EIF4G3: variants seen among roughly 807,000 people sequenced by gnomAD.
EIF4G3 encodes the protein eukaryotic translation initiation factor 4 gamma 3, also known as eIF-4-gamma 3.
In EIF4G3, 34 loss-of-function variants were observed where a neutral mutation model predicts 186.4. The observed-to-expected ratio is 0.18, with a 90% CI of 0.14 to 0.24. The LOEUF (loss-of-function observed/expected upper bound fraction) is 0.24. EIF4G3 is among the 10% of genes least tolerant of loss of function. The pLI is 1.00. For synonymous variants in EIF4G3, 673 were observed against 679.5 expected (o/e 0.99, Z 0.15); for missense variants, 1,536 against 1,948.5 (o/e 0.79, Z 3.99).
At chr1:20,962,941 A>C (rs1323306991) in intron 12 of EIF4G3, among the ~76,000 whole-genome samples, 5 of 147,258 alleles carry the variant, frequency 3.4e-5, no homozygotes, top group Admixed American at 3.4e-4. Flanking sequence ...TTTGAGAGAC[A>C]AGGTCTTGCT....
intron 2 of EIF4G3, among the ~76,000 whole-genome samples, chr1:21,101,103 G>A (rs941561068): frequency 6.6e-5 from 10 of 152,032 alleles, no homozygotes; most frequent in African/African-American, 1.9e-4. Flanking sequence ...ATAAGTCGAC[G>A]TATTTTCAGA....
intron 12 of EIF4G3, 44 bp downstream of exon 12, chr1:20,969,430 T>A (rs750972911): frequency 6.2e-7 from 1 of 1,610,622 alleles, no homozygotes; most frequent in Non-Finnish European, 8.5e-7. Flanking sequence ...CAGTAGAGGT[T>A]AGTGAACAAA....
chr1:21,063,702 T>C (rs2095057272), intron 3 of EIF4G3, among the ~76,000 whole-genome samples: 2 of 7,732 alleles, frequency 2.6e-4, no homozygotes, highest in South Asian at 0.019. Context: ...ATACTTTTCA[T>C]TTTGGGGGGG....
intron 2 of EIF4G3, among the ~76,000 whole-genome samples, chr1:21,150,837 A>G (rs4233275): frequency 0.97 from 147,213 of 152,212 alleles, 71,379 homozygotes; most frequent in East Asian, 1. Context: ...TTAGCTGGGC[A>G]TGGTGGCACA....
intron 14 of EIF4G3, among the ~76,000 whole-genome samples, chr1:20,909,409 T>C (rs2092811816): frequency 6.6e-6 from 1 of 152,212 alleles, no homozygotes. Context: ...AGTACAAGAA[T>C]GACAAACGTT....
chr1:20,867,491 C>CA (rs1457396131), intron 20 of EIF4G3, among the ~76,000 whole-genome samples: 1 of 152,172 alleles, frequency 6.6e-6, no homozygotes, highest in Non-Finnish European at 1.5e-5. Context: ...CCAAGTCACT[C>CA]AGTTTCCCCA....
At chr1:21,041,932 C>G (rs774771216) in intron 4 of EIF4G3, among the ~76,000 whole-genome samples, 2 of 151,214 alleles carry the variant, frequency 1.3e-5, no homozygotes, top group African/African-American at 4.9e-5. Flanking sequence ...AATGTATGCA[C>G]TGAGAAAAAA....
intron 19 of EIF4G3, among the ~76,000 whole-genome samples, chr1:20,884,997 G>C (rs1053065389): frequency 6.6e-6 from 1 of 152,154 alleles, no homozygotes; most frequent in African/African-American, 2.4e-5. Context: ...GTATTAGTTA[G>C]ATTCTCATAA....
intron 4 of EIF4G3, among the ~76,000 whole-genome samples, chr1:21,011,548 T>C (rs2087094467): frequency 6.6e-6 from 1 of 152,208 alleles, no homozygotes; most frequent in Non-Finnish European, 1.5e-5. Flanking sequence ...TATATTTAGT[T>C]CTATGCAATT....
chr1:21,052,662 G>C (rs2094299059), intron 3 of EIF4G3, among the ~76,000 whole-genome samples: 2 of 151,852 alleles, frequency 1.3e-5, no homozygotes, highest in African/African-American at 4.8e-5. Flanking sequence ...TGCCATCTCG[G>C]CTCACTGCAA....
At chr1:20,923,761 C>T (rs889337135) in intron 14 of EIF4G3, among the ~76,000 whole-genome samples, 1 of 151,678 alleles carries the variant, frequency 6.6e-6, no homozygotes, top group Admixed American at 6.6e-5. Context: ...AAAATACACT[C>T]TAACAGGGAC....
At chr1:21,118,079 C>T (rs901593125) in intron 2 of EIF4G3, among the ~76,000 whole-genome samples, 12 of 152,100 alleles carry the variant, frequency 7.9e-5, no homozygotes, top group Admixed American at 3.9e-4. Flanking sequence ...AAGATAATCC[C>T]ACTCCTTTTA....
chr1:21,068,766 G>C (rs577649633), intron 3 of EIF4G3, among the ~76,000 whole-genome samples: 1 of 152,216 alleles, frequency 6.6e-6, no homozygotes, highest in African/African-American at 2.4e-5. Flanking sequence ...CACAGTAAGT[G>C]TTACTTATAG....
At chr1:21,040,880 A>G (rs961848077) in intron 4 of EIF4G3, among the ~76,000 whole-genome samples, 11 of 152,174 alleles carry the variant, frequency 7.2e-5, no homozygotes, top group Non-Finnish European at 1.0e-4. Context: ...AACCAATCAT[A>G]GACTGCTGAG....
intron 19 of EIF4G3, among the ~76,000 whole-genome samples, chr1:20,884,578 AAGACTTTT>A (rs892872612): frequency 7.9e-5 from 12 of 152,158 alleles, no homozygotes; most frequent in Non-Finnish European, 1.3e-4. Context: ...AAGGACAAAA[AAGACTTTT>A]TTTTCTTTTT....
chr1:21,125,747 A>G (rs2102416654), intron 2 of EIF4G3, among the ~76,000 whole-genome samples: 1 of 143,974 alleles, frequency 6.9e-6, no homozygotes, highest in East Asian at 2.0e-4. Flanking sequence ...ATAAATAAAT[A>G]TATATAATTT....
intron 4 of EIF4G3, among the ~76,000 whole-genome samples, chr1:21,005,049 T>A (rs1341972536): frequency 6.6e-6 from 1 of 152,138 alleles, no homozygotes; most frequent in African/African-American, 2.4e-5. Context: ...AAATAAAGTT[T>A]TCTTATCATG....
intron 10 of EIF4G3, among the ~76,000 whole-genome samples, chr1:20,978,045 G>A (rs2077198841): frequency 1.3e-5 from 2 of 152,074 alleles, no homozygotes; most frequent in Non-Finnish European, 2.9e-5. Context: ...AAATTAACGG[G>A]AGACACTGTC....
intron 30 of EIF4G3, among the ~76,000 whole-genome samples, chr1:20,840,354 T>C (rs72652921): frequency 0.16 from 23,773 of 152,124 alleles, 2,427 homozygotes; most frequent in Non-Finnish European, 0.21. Context: ...CAACCTGAAA[T>C]AGACTAAATC....
Sources: gnomAD v4.1 joint callset for allele counts (sites outside exome capture counted in the v4.1 genomes callset) on GRCh38, gnomAD v4.1.1 for gene constraint, MANE v1.5 for transcripts, NCBI Gene and HGNC (gene_info 2026-07-23, HGNC 2026-07-21) for gene names.